The following CHEK2 variants were observed in gnomAD, a reference collection of about 807,000 sequenced individuals.
The protein encoded by CHEK2 is serine/threonine-protein kinase Chk2.
CHEK2 carries 71 observed loss-of-function variants against 69.1 expected under a neutral mutation model. The observed-to-expected ratio is 1.03, with a 90% CI of 0.85 to 1.25. CHEK2 has a LOEUF of 1.25. Ranked by LOEUF, CHEK2 falls within the 50% of genes most tolerant of loss-of-function variation. CHEK2 has a pLI of 0.00. For missense variants in CHEK2, 664 were observed against 649.6 expected (o/e 1.02, Z -0.24); for synonymous variants, 189 against 226.9 (o/e 0.83, Z 1.50).
Position 28,695,756 on chromosome 22 carries a change from T to A in CHEK2, c.1213A>T (p.Asn405Tyr), listed in dbSNP as rs2145802765. The A allele has an allele frequency of 6.2e-7, 1 of 1,613,786 alleles. No homozygotes were observed. Among genetic ancestry groups the A allele is most frequent in the Non-Finnish European group, 8.5e-7 (1 of 1,179,706 alleles). Residue 405 changes from asparagine (N) to tyrosine (Y), a missense_variant, in exon 11 of 15, where the codon AAC (asparagine) becomes TAC (tyrosine). Coordinates refer to ENST00000404276, the MANE Select transcript of CHEK2 (RefSeq NM_007194.4). The part of the protein sequence containing the change: ...VLVSVGTAGY[N>Y]RAVDCWSLGV... ...AAACTCCAGCAGTCCACAGCACGGT[T>A]ATACCCAGCAGTCCCAACAGAAACA... is the stretch of plus-strand genomic sequence containing the variant.
intron 9 of CHEK2, among the ~76,000 whole-genome samples, chr22:28,699,267 T>C (rs1409641886): frequency 6.6e-6 from 1 of 152,064 alleles, no homozygotes; most frequent in African/African-American, 2.4e-5. Flanking sequence ...CCTCTCAAAG[T>C]GCTGGGACTA....
intron 7 of CHEK2, among the ~76,000 whole-genome samples, chr22:28,704,684 T>A (rs1342969050): frequency 6.6e-6 from 1 of 152,064 alleles, no homozygotes; most frequent in Non-Finnish European, 1.5e-5. Context: ...TTAAGCTCAG[T>A]GGGTAAATAA....
intron 11 of CHEK2, among the ~76,000 whole-genome samples, 192 bp downstream of exon 11, chr22:28,695,518 A>G (rs1234221114): frequency 6.6e-6 from 1 of 152,082 alleles, no homozygotes; most frequent in African/African-American, 2.4e-5. Flanking sequence ...TTAGCTGGGC[A>G]TGGTGGTGTG....
chr22:28,708,621 G>A (rs1212412788), intron 7 of CHEK2, among the ~76,000 whole-genome samples: 1 of 151,912 alleles, frequency 6.6e-6, no homozygotes, highest in African/African-American at 2.4e-5. Context: ...TGAGGGATTT[G>A]GAGAGGTAGA....
At chr22:28,715,637 C>A (rs1388629200) in intron 5 of CHEK2, among the ~76,000 whole-genome samples, 1 of 152,014 alleles carries the variant, frequency 6.6e-6, no homozygotes, top group Non-Finnish European at 1.5e-5. Context: ...CCCGGCTGGT[C>A]TCAAACTCCT....
At chr22:28,720,646 T>C (rs896269643) in intron 4 of CHEK2, among the ~76,000 whole-genome samples, 1 of 152,182 alleles carries the variant, frequency 6.6e-6, no homozygotes, top group African/African-American at 2.4e-5. Context: ...ATCCAGTCTC[T>C]GGCACAAATC....
intron 5 of CHEK2, among the ~76,000 whole-genome samples, chr22:28,714,947 T>A (rs2145974772): frequency 6.6e-6 from 1 of 152,266 alleles, no homozygotes; most frequent in South Asian, 2.1e-4. Context: ...TCTAGCTGGG[T>A]GTCTACTATG....
chr22:28,714,605 AG>A (rs919892870), intron 5 of CHEK2, among the ~76,000 whole-genome samples: 21 of 152,180 alleles, frequency 1.4e-4, no homozygotes, highest in African/African-American at 4.8e-4. Flanking sequence ...ACTTATTGAT[AG>A]GTATCTTTTG....
intron 1 of CHEK2, among the ~76,000 whole-genome samples, chr22:28,735,320 C>A (rs185356576): frequency 6.6e-6 from 1 of 151,706 alleles, no homozygotes; most frequent in Non-Finnish European, 1.5e-5. Flanking sequence ...GCAGGAGAAT[C>A]GCTTGAGCCC....
At chr22:28,704,036 A>T (rs978830237) in intron 7 of CHEK2, among the ~76,000 whole-genome samples, 2 of 151,984 alleles carry the variant, frequency 1.3e-5, no homozygotes, top group Non-Finnish European at 2.9e-5. Context: ...ACAAGATCCT[A>T]CCATTTTTCA....
In CHEK2 at chr22:28,725,345, C is replaced by G. The variant is rs756949505; in HGVS notation, c.342G>C (p.Trp114Cys). ...ATTCACAGCTTTTGTCCCTCCCAAA[C>G]CAGTAGTTGTCATTCACACATTCTG... ...ANLECVNDNY[W>C]FGRDKSCEYC... Residue 114 changes from tryptophan (W) to cysteine (C), a missense_variant, in exon 3 of 15, where the codon TGG becomes TGC. By Grantham distance (215) the Trp-to-Cys change is radical. Transcript: ENST00000404276. 6.2e-7 allele frequency: 1 copy of G among 1,614,102 alleles called. No individual in the cohort carries two copies. Among genetic ancestry groups the G allele is most frequent in the South Asian group, 1.1e-5 (1 of 91,086 alleles).
chr22:28,705,024 G>C (rs1024992591), intron 7 of CHEK2, among the ~76,000 whole-genome samples: 2 of 151,274 alleles, frequency 1.3e-5, no homozygotes, highest in African/African-American at 4.9e-5. Flanking sequence ...TATGATACAA[G>C]TTGAGCATCC....
chr22:28,737,287 A>C (rs369169015), intron 1 of CHEK2: 4 of 477,658 alleles, frequency 8.4e-6, no homozygotes, highest in East Asian at 5.8e-5. Flanking sequence ...TCAGCATACA[A>C]ATTTTTTTAT....
At chr22:28,725,485 T>C (rs2053972919) in intron 2 of CHEK2, 118 bp from the exon 3 acceptor site, 1 of 1,200,920 alleles carries the variant, frequency 8.3e-7, no homozygotes, top group African/African-American at 1.5e-5. Context: ...GAATTATCAA[T>C]CTGCTTATCA....
chr22:28,721,703 C>T (rs2053791222), intron 4 of CHEK2: 2 of 420,992 alleles, frequency 4.8e-6, no homozygotes, highest in African/African-American at 2.1e-5. Context: ...ACAATGTATA[C>T]ATATTTGAAA....
chr22:28,724,927 TGA>T lies in CHEK2; in HGVS notation c.592+48_592+49del, dbSNP rs756853924. On this transcript the variant is annotated intron_variant, in intron 4 of 14. Coordinates refer to ENST00000404276, the MANE Select transcript of CHEK2 (RefSeq NM_007194.4). ...AAGGACAGGACAAATTTTCCTCCTA[TGA>T]GAGAGTGGAAAAAAAAAATTCCAGT... 2.8e-5 allele frequency: 45 copies of T among 1,588,484 alleles called. No individual in the cohort carries two copies. Among genetic ancestry groups the T allele is most frequent in the Non-Finnish European group, 3.8e-5 (44 of 1,157,222 alleles).
intron 7 of CHEK2, chr22:28,709,033 C>A: frequency 2.6e-6 from 1 of 383,810 alleles, no homozygotes. Flanking sequence ...GAGATCTTGC[C>A]TTGAGTTTAA....
intron 2 of CHEK2, among the ~76,000 whole-genome samples, chr22:28,727,290 C>T (rs1323042574): frequency 3.3e-5 from 5 of 152,220 alleles, no homozygotes; most frequent in African/African-American, 4.8e-5. Context: ...ATCCGCCCGC[C>T]TCGGCCTCCC....
At chr22:28,726,676 A>C (rs932773219) in intron 2 of CHEK2, among the ~76,000 whole-genome samples, 1 of 149,216 alleles carries the variant, frequency 6.7e-6, no homozygotes, top group Non-Finnish European at 1.5e-5. Context: ...AGTCATTAAA[A>C]GTTCTCGAGT....
Sources: gnomAD v4.1 joint callset for allele counts (sites outside exome capture counted in the v4.1 genomes callset) on GRCh38, gnomAD v4.1.1 for gene constraint, MANE v1.5 for transcripts, NCBI Gene and HGNC (gene_info 2026-07-23, HGNC 2026-07-21) for gene names.